The following LDAH variants were observed in gnomAD, a reference collection of about 807,000 sequenced individuals.
LDAH encodes the protein lipid droplet associated hydrolase.
LDAH carries 26 observed loss-of-function variants against 29.6 expected under a neutral mutation model. The ratio of observed to expected loss-of-function variants is 0.88; its 90% CI spans 0.64 to 1.22. LDAH has a LOEUF of 1.22. Among genes scored for constraint, LDAH ranks in the 50% most tolerant of loss-of-function variants. LDAH has a pLI of 0.00. For synonymous variants in LDAH, 117 were observed against 133.0 expected, an observed-to-expected ratio of 0.88 and a Z score of 0.83; for missense variants, 344 against 387.3, an observed-to-expected ratio of 0.89 and a Z score of 0.94.
intron 1 of LDAH, among the ~76,000 whole-genome samples, chr2:20,819,924 T>C (rs1016071711): frequency 2.0e-5 from 3 of 152,168 alleles, no homozygotes; most frequent in African/African-American, 7.2e-5. Flanking sequence ...AGTCTCAAGA[T>C]ACAAAATCAA....
intron 2 of LDAH, among the ~76,000 whole-genome samples, chr2:20,798,500 A>C (rs1479461948): frequency 1.3e-5 from 2 of 151,732 alleles, no homozygotes; most frequent in Admixed American, 6.6e-5. Context: ...AGGGAAAACA[A>C]ACAAAAATAT....
chr2:20,685,691 C>A lies in LDAH; in HGVS notation c.*1212G>T. 1 of 1,542,428 alleles carries A rather than the reference C, an allele frequency of 6.5e-7. No individual in the cohort carries two copies. The highest frequency in any genetic ancestry group is 1.2e-5 in the South Asian group (1 of 83,106). On this transcript the variant is annotated 3_prime_UTR_variant, in exon 7 of 7. Transcript: ENST00000237822. Reference sequence around the variant, plus strand: ...AAAAGGAATATTTCTGATCCATGATCAACTGTCACTGCAGTATGTGGTTCT... The same window carrying A: ...AAAAGGAATATTTCTGATCCATGATAAACTGTCACTGCAGTATGTGGTTCT...
intron 1 of LDAH, among the ~76,000 whole-genome samples, chr2:20,803,056 A>G (rs149755390): frequency 6.6e-6 from 1 of 152,342 alleles, no homozygotes; most frequent in Non-Finnish European, 1.5e-5. Context: ...CAGAGGACAT[A>G]TGGCAATATT....
intron 3 of LDAH, among the ~76,000 whole-genome samples, chr2:20,778,456 C>T (rs1174110188): frequency 6.6e-6 from 1 of 152,156 alleles, no homozygotes; most frequent in East Asian, 1.9e-4. Flanking sequence ...ATTAAAATTG[C>T]TTTCAATTTT....
chr2:20,779,948 A>G (rs1670076028), intron 3 of LDAH, among the ~76,000 whole-genome samples: 1 of 152,196 alleles, frequency 6.6e-6, no homozygotes, highest in Non-Finnish European at 1.5e-5. Context: ...GAATTGGCTC[A>G]ATGAGAACTG....
At chr2:20,812,265 C>A (rs536156036) in intron 1 of LDAH, among the ~76,000 whole-genome samples, 1 of 152,234 alleles carries the variant, frequency 6.6e-6, no homozygotes, top group Non-Finnish European at 1.5e-5. Context: ...TCTATGCCAC[C>A]TCCCAGTCCT....
chr2:20,789,088 G>C (rs1670756011), intron 3 of LDAH: 1 of 1,538,002 alleles, frequency 6.5e-7, no homozygotes. Flanking sequence ...CTTTCTGTCT[G>C]TTGTACCTCT....
intron 5 of LDAH, among the ~76,000 whole-genome samples, chr2:20,722,752 TA>T (rs1464618969): frequency 6.6e-6 from 1 of 152,178 alleles, no homozygotes; most frequent in African/African-American, 2.4e-5. Flanking sequence ...AATCTCAAAA[TA>T]TTTTTTAGAA....
At chr2:20,701,706 A>C in intron 5 of LDAH, 54 bp from the exon 6 acceptor site, 1 of 1,460,552 alleles carries the variant, frequency 6.8e-7, no homozygotes, top group Non-Finnish European at 9.6e-7. Context: ...ACAAACACAA[A>C]TTTCAAATTA....
At chr2:20,711,416 C>T (rs1039370751) in intron 5 of LDAH, among the ~76,000 whole-genome samples, 8 of 151,608 alleles carry the variant, frequency 5.3e-5, no homozygotes, top group Admixed American at 3.3e-4. Context: ...AGAAGTGGTC[C>T]GTTCCAAGAT....
At chr2:20,739,880 G>T in intron 5 of LDAH, 91 bp downstream of exon 5, 2 of 849,328 alleles carry the variant, frequency 2.4e-6, no homozygotes, top group South Asian at 2.5e-5. Flanking sequence ...GTAAATAATT[G>T]CTTGCTTGAT....
At chr2:20,740,932 A>C (rs562119129) in intron 4 of LDAH, among the ~76,000 whole-genome samples, 26 of 152,260 alleles carry the variant, frequency 1.7e-4, no homozygotes, top group Admixed American at 1.4e-3. Flanking sequence ...TATCCTTTTC[A>C]GCATTTATTG....
rs182700406 is a variant in LDAH at position 20,717,025 on chromosome 2, T to G, written c.704-15373A>C. On this transcript the variant is annotated intron_variant, in intron 5 of 6. Transcript: ENST00000237822. ...ATTAATAAATGGTCTTTTCACTAAA[T>G]GATGATGGGTCAACTGGATAGTCCT... Among the ~76,000 whole-genome samples the G allele has an allele frequency of 2.2e-3, 330 of 152,264 alleles. 1 individual carries two copies. Among genetic ancestry groups the G allele is most frequent in the African/African-American group, 6.3e-3 (261 of 41,544 alleles).
chr2:20,751,431 T>C (rs969338232), intron 4 of LDAH, among the ~76,000 whole-genome samples: 8 of 152,134 alleles, frequency 5.3e-5, no homozygotes, highest in African/African-American at 1.9e-4. Flanking sequence ...GGTAAAAATG[T>C]TTCCTTCCTT....
chr2:20,786,343 C>A (rs184685320), intron 3 of LDAH, among the ~76,000 whole-genome samples: 5 of 152,226 alleles, frequency 3.3e-5, no homozygotes, highest in Admixed American at 1.3e-4. Context: ...GCTTGCACCA[C>A]CATGCCCGGC....
intron 4 of LDAH, 84 bp downstream of exon 4, chr2:20,774,726 A>T (rs1669672234): frequency 7.4e-7 from 1 of 1,353,986 alleles, no homozygotes; most frequent in Non-Finnish European, 1.0e-6. Context: ...ACTGAACAAG[A>T]GACAAAAGAA....
At chr2:20,733,145 A>AT (rs201749836) in intron 5 of LDAH, among the ~76,000 whole-genome samples, 4,294 of 152,076 alleles carry the variant, frequency 0.028, 204 homozygotes, top group African/African-American at 0.099. Flanking sequence ...ACCAGCATAC[A>AT]TTTTTGTCTC....
At chr2:20,813,550 A>G (rs1341425704) in intron 1 of LDAH, among the ~76,000 whole-genome samples, 2 of 152,224 alleles carry the variant, frequency 1.3e-5, no homozygotes, top group South Asian at 2.1e-4. Context: ...AGTACCCTTA[A>G]ATACCTATGT....
At chr2:20,789,171 T>C in intron 3 of LDAH, 1 of 1,550,574 alleles carries the variant, frequency 6.4e-7, no homozygotes, top group Non-Finnish European at 8.7e-7. Flanking sequence ...TGAATGCTTA[T>C]ATGGCCCCCA....
Sources: allele counts gnomAD v4.1 joint callset (sites outside exome capture counted in the v4.1 genomes callset), GRCh38; gene constraint gnomAD v4.1.1; transcripts MANE v1.5; gene names NCBI Gene and HGNC (gene_info 2026-07-23, HGNC 2026-07-21).